The following DLG2 variants were observed in gnomAD, a reference collection of about 807,000 sequenced individuals.
DLG2 encodes the protein discs large MAGUK scaffold protein 2, also known as disks large homolog 2.
In DLG2, 45 loss-of-function variants were observed where a neutral mutation model predicts 132.5. The ratio of observed to expected loss-of-function variants is 0.34; its 90% CI spans 0.27 to 0.44. The LOEUF is 0.44. Ranked by LOEUF, DLG2 falls within the 20% of genes least tolerant of loss-of-function variation. The probability of loss-of-function intolerance (pLI) is 1.00; values close to 1 mark genes in which losing one functional copy is unlikely to be tolerated. For synonymous variants in DLG2, 424 were observed against 419.6 expected (o/e 1.01, Z -0.13); for missense variants, 1,045 against 1,196.9 (o/e 0.87, Z 1.87).
chr11:83,692,242 T>G (rs2081124499), intron 18 of DLG2, among the ~76,000 whole-genome samples: 1 of 152,212 alleles, frequency 6.6e-6, no homozygotes, highest in Non-Finnish European at 1.5e-5. Context: ...ATGATATGAC[T>G]GGGATGCAGT....
chr11:84,866,773 T>C (rs2084636183), intron 6 of DLG2, among the ~76,000 whole-genome samples: 1 of 152,170 alleles, frequency 6.6e-6, no homozygotes, highest in Non-Finnish European at 1.5e-5. Context: ...ATACCATTTT[T>C]TTGAAAAAAG....
At chr11:84,395,946 C>A (rs2098809460) in intron 7 of DLG2, among the ~76,000 whole-genome samples, 2 of 152,302 alleles carry the variant, frequency 1.3e-5, no homozygotes, top group Non-Finnish European at 2.9e-5. Context: ...TGCCCAAGGG[C>A]AATGGGCTAA....
At chr11:84,553,644 G>C (rs2099406276) in intron 6 of DLG2, among the ~76,000 whole-genome samples, 1 of 152,134 alleles carries the variant, frequency 6.6e-6, no homozygotes, top group Non-Finnish European at 1.5e-5. Context: ...AACTCACGGA[G>C]GAGGAACCAT....
intron 18 of DLG2, among the ~76,000 whole-genome samples, chr11:83,711,266 G>A (rs1224979665): frequency 1.3e-5 from 2 of 152,180 alleles, no homozygotes; most frequent in African/African-American, 2.4e-5. Context: ...GGGATAGGGT[G>A]TATAGATGCT....
chr11:84,199,672 G>A (rs2096566920), intron 8 of DLG2, among the ~76,000 whole-genome samples: 1 of 151,796 alleles, frequency 6.6e-6, no homozygotes, highest in African/African-American at 2.4e-5. Flanking sequence ...ACACTGAAAG[G>A]GTTCAAAAGA....
chr11:84,166,345 A>T (rs2095661820), intron 8 of DLG2, among the ~76,000 whole-genome samples: 2 of 151,928 alleles, frequency 1.3e-5, no homozygotes, highest in Non-Finnish European at 2.9e-5. Flanking sequence ...CTACTAAAAT[A>T]CAAAAAATTA....
intron 4 of DLG2, among the ~76,000 whole-genome samples, chr11:85,195,334 A>G (rs904137882): frequency 8.5e-5 from 13 of 152,132 alleles, no homozygotes; most frequent in African/African-American, 3.1e-4. Context: ...CATGGATGCA[A>G]TAAATCATGG....
intron 4 of DLG2, among the ~76,000 whole-genome samples, chr11:85,222,116 TTTTG>T (rs760445905): frequency 9.3e-4 from 142 of 152,010 alleles, no homozygotes; most frequent in African/African-American, 3.2e-3. Flanking sequence ...CATTTCGGTT[TTTTG>T]TTTGTTTGTT....
At chr11:84,089,711 G>A (rs2097056898) in intron 10 of DLG2, among the ~76,000 whole-genome samples, 1 of 152,110 alleles carries the variant, frequency 6.6e-6, no homozygotes, top group African/African-American at 2.4e-5. Context: ...ATGAAGCAAT[G>A]GATTTAAAGA....
chr11:85,240,115 G>T (rs1253776345), intron 4 of DLG2, among the ~76,000 whole-genome samples: 1 of 151,770 alleles, frequency 6.6e-6, no homozygotes, highest in African/African-American at 2.4e-5. Flanking sequence ...ATTCATCTTA[G>T]TCTTAATTTG....
chr11:84,268,587 G>A (rs959035574), intron 7 of DLG2, among the ~76,000 whole-genome samples: 22 of 150,772 alleles, frequency 1.5e-4, no homozygotes, highest in South Asian at 6.3e-4. Context: ...TCAGCCTCCC[G>A]AGTAGCTGGG....
intron 7 of DLG2, among the ~76,000 whole-genome samples, chr11:84,418,229 T>C (rs796258199): frequency 1.4e-4 from 21 of 152,292 alleles, no homozygotes; most frequent in African/African-American, 5.1e-4. Flanking sequence ...TTTCCATACA[T>C]CCTGGCACAT....
chr11:84,878,390 G>A (rs558944451), intron 6 of DLG2, among the ~76,000 whole-genome samples: 54 of 152,160 alleles, frequency 3.5e-4, no homozygotes, highest in Non-Finnish European at 1.0e-4. Flanking sequence ...AAAAGGATGA[G>A]TTAATGTCCT....
intron 7 of DLG2, among the ~76,000 whole-genome samples, chr11:84,486,142 G>T (rs989544649): frequency 3.3e-5 from 5 of 152,084 alleles, no homozygotes; most frequent in African/African-American, 4.8e-5. Flanking sequence ...GGCAGATGGG[G>T]ATAGCCTCAT....
intron 6 of DLG2, among the ~76,000 whole-genome samples, chr11:84,552,775 T>G (rs545405289): frequency 4.6e-5 from 7 of 152,218 alleles, no homozygotes; most frequent in Non-Finnish European, 8.8e-5. Flanking sequence ...CTTATCTATA[T>G]ACTCTCCATC....
intron 6 of DLG2, among the ~76,000 whole-genome samples, chr11:84,885,428 G>A (rs367585992): frequency 1.0e-3 from 152 of 152,092 alleles, no homozygotes; most frequent in African/African-American, 3.3e-3. Context: ...TCAAACTCCT[G>A]GGCTCAAGTG....
At chr11:85,443,571 G>C (rs2091883567) in intron 3 of DLG2, among the ~76,000 whole-genome samples, 1 of 152,192 alleles carries the variant, frequency 6.6e-6, no homozygotes, top group African/African-American at 2.4e-5. Flanking sequence ...TCTTAAATGT[G>C]CTACACAGTT....
intron 15 of DLG2, among the ~76,000 whole-genome samples, chr11:83,903,015 A>C (rs1429633445): frequency 1.3e-5 from 2 of 152,156 alleles, no homozygotes; most frequent in African/African-American, 4.8e-5. Context: ...ACAACAAATC[A>C]TATCTCCATT....
intron 2 of DLG2, among the ~76,000 whole-genome samples, chr11:85,610,538 T>A (rs2080919552): frequency 6.6e-6 from 1 of 152,210 alleles, no homozygotes; most frequent in Non-Finnish European, 1.5e-5. Flanking sequence ...CCCACGGGTT[T>A]AGGGATAGCC....
Sources: allele counts gnomAD v4.1 joint callset (sites outside exome capture counted in the v4.1 genomes callset), GRCh38; gene constraint gnomAD v4.1.1; transcripts MANE v1.5; gene names NCBI Gene and HGNC (gene_info 2026-07-23, HGNC 2026-07-21).